The following E2F8 variants were observed in gnomAD, a reference collection of about 807,000 sequenced individuals.
The protein encoded by E2F8 is E2F transcription factor 8.
Under a neutral mutation model 80.8 loss-of-function variants are expected in E2F8, and 35 were observed. That is an observed-to-expected ratio of 0.43 (90% CI 0.33 to 0.57). The LOEUF (loss-of-function observed/expected upper bound fraction) is 0.57. E2F8 is among the 20% of genes least tolerant of loss of function. E2F8 has a pLI of 0.04. For missense variants in E2F8, 975 were observed against 1,056.2 expected (o/e 0.92, Z 1.07); for synonymous variants, 386 against 395.0 (o/e 0.98, Z 0.27).
intron 4 of E2F8, among the ~76,000 whole-genome samples, chr11:19,236,027 T>C (rs1385811301): frequency 6.6e-6 from 1 of 152,240 alleles, no homozygotes; most frequent in East Asian, 1.9e-4. Flanking sequence ...GTTAGAATTC[T>C]CTTCGTTCAA....
At position 19,229,312 on chromosome 11, in the gene E2F8, G is replaced by A. The variant is rs1851309668; in HGVS notation, c.1893+142C>T. 3.6e-6 allele frequency: 4 copies of A among 1,121,242 alleles called. No individual in the cohort carries two copies. In the Admixed American group the frequency reaches 9.9e-5, roughly 28 times the overall value. 69.5% of individuals were successfully genotyped at this position (1,121,242 alleles called of 1,614,324 possible). A position where few individuals can be genotyped will look rare whatever the true frequency, so the allele number is the denominator to read the frequency against. On this transcript the variant is annotated intron_variant, in intron 10 of 12. Coordinates refer to ENST00000250024, the MANE Select transcript of E2F8 (RefSeq NM_024680.4). The surrounding 1 kb of genome is among the most constrained non-coding windows in gnomAD (Gnocchi z 4.3). ...CCAGCCAGGGGATTAGCTGTTGAGG[G>A]CCTCACTTGGATTATGGGATGCTAA...
At position 19,225,474 on chromosome 11, in the gene E2F8, G is replaced by T. The variant is rs766139629; in HGVS notation, c.2168C>A (p.Pro723His). 1.9e-6 allele frequency: 3 copies of T among 1,614,204 alleles called. No homozygotes were observed. The highest frequency in any genetic ancestry group is 1.1e-5 in the South Asian group (1 of 91,086). The change falls in exon 12 of 13, where the codon CCT becomes CAT. Residue 723 changes from proline (P) to histidine (H), a missense_variant. Pro to His is a moderately conservative substitution (Grantham distance 77, BLOSUM62 -2). Transcript: ENST00000250024. ...TGAGCTTGGGTTCTGGATGGGAACA[G>T]GGTGGCTTGAAGCGAGAGCCGGGCT... ...GNSPALASSH[P>H]VPIQNPSSAI...
chr11:19,225,457 G>C lies in E2F8; in HGVS notation c.2185C>G (p.Pro729Ala). The change falls in exon 12 of 13, where the codon CCA (proline) becomes GCA (alanine). Residue 729 changes from proline (P) to alanine (A), a missense_variant. Coordinates refer to ENST00000250024, the MANE Select transcript of E2F8 (RefSeq NM_024680.4). The part of the protein sequence containing the change: ...ASSHPVPIQN[P>A]SSAIVNFTLQ... Reference sequence around the variant, plus strand: ...GTGAAGTTTACAATGGCTGAGCTTGGGTTCTGGATGGGAACAGGGTGGCTT... The same window carrying C: ...GTGAAGTTTACAATGGCTGAGCTTGCGTTCTGGATGGGAACAGGGTGGCTT... 1.2e-6 allele frequency: 2 copies of C among 1,614,232 alleles called. No homozygotes were observed. Among genetic ancestry groups the C allele is most frequent in the Non-Finnish European group, 8.5e-7 (1 of 1,180,048 alleles).
Position 19,224,607 on chromosome 11 carries a change from T to C in E2F8, c.*51A>G. The C allele has an allele frequency of 6.3e-7, 1 of 1,582,836 alleles. No homozygotes were observed. The highest frequency in any genetic ancestry group is 8.6e-7 in the Non-Finnish European group (1 of 1,156,416). Reference sequence around the variant, plus strand: ...TTCTCCAAATCAGTCTGTGTACATTTTCTCTATTAAACAACTCTTTAGAAA... The same window carrying C: ...TTCTCCAAATCAGTCTGTGTACATTCTCTCTATTAAACAACTCTTTAGAAA... On this transcript the variant is annotated 3_prime_UTR_variant, in exon 13 of 13. Coordinates refer to ENST00000250024, the MANE Select transcript of E2F8 (RefSeq NM_024680.4).
intron 2 of E2F8, among the ~76,000 whole-genome samples, chr11:19,238,796 T>C (rs985938895): frequency 2.0e-5 from 3 of 152,180 alleles, no homozygotes; most frequent in South Asian, 4.2e-4. Flanking sequence ...ATAGAGAAAA[T>C]GGGGCCCAGA....
rs1396840629 is a variant in E2F8 at position 19,234,735 on chromosome 11, A to G, written c.766+9T>C. 1 of 1,600,888 alleles carries G rather than the reference A, an allele frequency of 6.2e-7. No individual in the cohort carries two copies. The highest frequency in any genetic ancestry group is 8.5e-7 in the Non-Finnish European group (1 of 1,173,000). On this transcript the variant is annotated intron_variant, in intron 5 of 12. Coordinates refer to ENST00000250024, the MANE Select transcript of E2F8 (RefSeq NM_024680.4). ...CATGCCGCCTGGAGTTTTCACTACC[A>G]TCTCTCACCTGCCCGAAATTCCACT...
rs768059439 is a variant in E2F8 at position 19,225,813 on chromosome 11, C to G, written c.1945G>C (p.Gly649Arg). ...TTACCAGACAAAATGGACTCTGCCC[C>G]CAGGGATGAGCACTGCGTGAGAGGG... ...LIPLTQCSSL[G>R]AESILSGKEN... The change falls in exon 11 of 13, where the codon GGG (glycine) becomes CGG (arginine). Residue 649 changes from glycine to arginine, a missense_variant. Physicochemically the swap from Gly to Arg is moderately radical, Grantham distance 125 (BLOSUM62 -2). Coordinates refer to ENST00000250024, the MANE Select transcript of E2F8 (RefSeq NM_024680.4). 3 of 1,614,048 alleles carry G rather than the reference C, an allele frequency of 1.9e-6. No homozygotes were observed. The highest frequency in any genetic ancestry group is 2.5e-6 in the Non-Finnish European group (3 of 1,180,008).
chr11:19,224,767 T>G lies in E2F8; in HGVS notation c.2495A>C (p.Lys832Thr). 1 of 1,614,214 alleles carries G rather than the reference T, an allele frequency of 6.2e-7. No individual in the cohort carries two copies. Among genetic ancestry groups the G allele is most frequent in the Non-Finnish European group, 8.5e-7 (1 of 1,180,044 alleles). The change falls in exon 13 of 13, where the codon AAG becomes ACG. Residue 832 changes from lysine to threonine, a missense_variant. Lys to Thr is a moderately conservative substitution (Grantham distance 78). Transcript: ENST00000250024. ...SFFRTPGGPT[K>T]PTSSSCMDFE... ...ATCCATGCAGGATGAGCTGGTTGGC[T>G]TGGTGGGTCCACCTGGGGTACGGAA...
At chr11:19,241,476 C>A (rs1020737008), upstream of E2F8, 8 of 152,764 alleles carry the variant, frequency 5.2e-5, no homozygotes, top group South Asian at 1.9e-4. The surrounding 1 kb of genome is among the most constrained non-coding windows in gnomAD (Gnocchi z 4.5). Flanking sequence ...CTGCCCCTCT[C>A]AGGCCCGGGA....
chr11:19,228,041 T>C (rs1303526175), intron 10 of E2F8, among the ~76,000 whole-genome samples: 1 of 152,142 alleles, frequency 6.6e-6, no homozygotes, highest in African/African-American at 2.4e-5. Context: ...GCTAAAATCA[T>C]GCCACTGCAC....
In E2F8 at chr11:19,229,802, G is replaced by A. The variant is rs1055641712; in HGVS notation, c.1545C>T (p.Ala515=). ...AGATGGCATAGGATGGGCCTGAAGG[G>A]GCCTGAGGTAGGATCAGGGGCACTG... The part of the protein sequence containing the change: ...SSAVPLILPQ[A]PSGPSYAIYL... The change falls in exon 10 of 13, where the codon GCC becomes GCT. Residue 515 remains alanine (A), a synonymous_variant. Coordinates refer to ENST00000250024, the MANE Select transcript of E2F8 (RefSeq NM_024680.4). This position sits in a 1 kb window ranked among gnomAD's most constrained non-coding sequence, Gnocchi z 4.3. 2 of 1,613,870 alleles carry A rather than the reference G, an allele frequency of 1.2e-6. No individual in the cohort carries two copies. The highest frequency in any genetic ancestry group is 2.7e-5 in the African/African-American group (2 of 74,914).
intron 6 of E2F8, among the ~76,000 whole-genome samples, chr11:19,233,682 GT>G: frequency 6.6e-6 from 1 of 151,998 alleles, no homozygotes; most frequent in East Asian, 2.0e-4. Context: ...TAGAGACGGG[GT>G]TTCACTGTGT....
chr11:19,229,523 G>A lies in E2F8; in HGVS notation c.1824C>T (p.Ser608=), dbSNP rs759341175. Residue 608 remains serine (S), a synonymous_variant, in exon 10 of 13, where the codon AGC becomes AGT. Coordinates refer to ENST00000250024, the MANE Select transcript of E2F8 (RefSeq NM_024680.4). The surrounding 1 kb of genome is among the most constrained non-coding windows in gnomAD (Gnocchi z 4.3). Reference sequence around the variant, plus strand: ...TTTTGGAACCACTGTCCTCGAGCATGCTTGCCCTCTTTGAGCCTCTTTCTC... The same window carrying A: ...TTTTGGAACCACTGTCCTCGAGCATACTTGCCCTCTTTGAGCCTCTTTCTC... ...PAGERGSKRA[S]MLEDSGSKKK... The A allele has an allele frequency of 1.2e-6, 2 of 1,614,244 alleles. No homozygotes were observed. The highest frequency in any genetic ancestry group is 1.7e-5 in the Admixed American group (1 of 60,026).
chr11:19,228,922 A>C lies in E2F8; in HGVS notation c.1893+532T>G, dbSNP rs150861572. 5.5e-4 allele frequency among the ~76,000 whole-genome samples: 84 copies of C among 152,330 alleles called. 4 individuals are homozygous for C. The East Asian group carries it at 0.016, about 29-fold the overall frequency. On this transcript the variant is annotated intron_variant, in intron 10 of 12. Transcript: ENST00000250024. ...AAAATCTCTAGAAACCAATACATGA[A>C]CTATATCTACAATTTGCCAAGATCA...
intron 10 of E2F8, chr11:19,226,183 C>T (rs1481184212): frequency 1.1e-5 from 3 of 275,834 alleles, no homozygotes; most frequent in Non-Finnish European, 2.1e-5. Flanking sequence ...TAACTTAACT[C>T]TTGCTACTGG....
rs374068769 is a variant in E2F8, at chr11:19,230,354, A to G, written c.1271-26T>C. 7 of 1,602,420 alleles carry G rather than the reference A, an allele frequency of 4.4e-6. No homozygotes were observed. In the African/African-American group the frequency reaches 8.1e-5, roughly 18 times the overall value. On this transcript the variant is annotated intron_variant, in intron 8 of 12. Coordinates refer to ENST00000250024, the MANE Select transcript of E2F8 (RefSeq NM_024680.4). The stretch of plus-strand genomic sequence containing the variant: ...CTGGTAAAATAGAAAGGAAGAGAGC[A>G]CCGGTCAAAGCTAAAGAACAAATGT...
chr11:19,224,515 G>T lies in E2F8; in HGVS notation c.*143C>A. ...TGTGTGTGTATATATATATATGTAT[G>T]AAAACAACTATCTGATTTCACATTG... On this transcript the variant is annotated 3_prime_UTR_variant, in exon 13 of 13. Coordinates refer to ENST00000250024, the MANE Select transcript of E2F8 (RefSeq NM_024680.4). 4 of 662,578 alleles carry T rather than the reference G, an allele frequency of 6.0e-6. No homozygotes were observed. The highest frequency in any genetic ancestry group is 7.5e-6 in the Non-Finnish European group (3 of 401,786). The allele number at this position is 662,578 out of a possible 1,614,324, so 41.0% of individuals were successfully genotyped here.
rs1851461443 is a variant in E2F8, at chr11:19,234,455, A to G, written c.833T>C (p.Leu278Ser). 1 of 1,613,866 alleles carries G rather than the reference A, an allele frequency of 6.2e-7. No homozygotes were observed. Among genetic ancestry groups the G allele is most frequent in the African/African-American group, 1.3e-5 (1 of 74,936 alleles). Residue 278 changes from leucine to serine, a missense_variant, in exon 6 of 13, where the codon TTG becomes TCG. Transcript: ENST00000250024. ...GCTTACTATCTGAGGCGTTGACACC[A>G]AAAACAGCATCACAAATTTCTGGCT... ...VMSQKFVMLF[L>S]VSTPQIVSLE... is the part of the protein sequence containing the mutation.
At chr11:19,238,167 T>C in intron 2 of E2F8, 35 bp from the exon 3 acceptor site, 1 of 1,569,266 alleles carries the variant, frequency 6.4e-7, no homozygotes, top group Non-Finnish European at 8.6e-7. Context: ...AAATCCATGG[T>C]AAAACAGGAT....
Sources: allele counts gnomAD v4.1 joint callset (sites outside exome capture counted in the v4.1 genomes callset), GRCh38; gene constraint gnomAD v4.1.1; non-coding constraint Gnocchi (gnomAD v3.1); transcripts MANE v1.5; gene names NCBI Gene and HGNC (gene_info 2026-07-23, HGNC 2026-07-21).